The following BAZ1B variants were observed in gnomAD, a reference collection of about 807,000 sequenced individuals.
BAZ1B encodes tyrosine-protein kinase BAZ1B.
BAZ1B carries 22 observed loss-of-function variants against 153.8 expected under a neutral mutation model. The observed-to-expected ratio is 0.14, with a 90% CI of 0.10 to 0.20. The LOEUF (loss-of-function observed/expected upper bound fraction) is 0.20. Ranked by LOEUF, BAZ1B falls within the 10% of genes least tolerant of loss-of-function variation. The pLI, the probability that BAZ1B is intolerant of heterozygous loss-of-function variation, is 1.00. For missense variants in BAZ1B, 1,325 were observed against 1,799.3 expected, an observed-to-expected ratio of 0.74 and a Z score of 4.77; for synonymous variants, 676 against 633.4, an observed-to-expected ratio of 1.07 and a Z score of -1.01.
chr7:73,511,065 G>A (rs1250346146), intron 1 of BAZ1B, among the ~76,000 whole-genome samples: 3 of 151,972 alleles, frequency 2.0e-5, no homozygotes, highest in Non-Finnish European at 2.9e-5. Context: ...AGGTCAGATC[G>A]AGACCAGCCT....
chr7:73,490,388 A>C (rs1358413489), intron 5 of BAZ1B, among the ~76,000 whole-genome samples: 1 of 152,176 alleles, frequency 6.6e-6, no homozygotes, highest in East Asian at 1.9e-4. Context: ...CAGAGAAGGA[A>C]GGAATACAAA....
In BAZ1B at chr7:73,462,948, C is replaced by G; in HGVS notation, c.3223G>C (p.Glu1075Gln). 6.2e-7 allele frequency: 1 copy of G among 1,614,084 alleles called. No homozygotes were observed. The highest frequency in any genetic ancestry group is 8.5e-7 in the Non-Finnish European group (1 of 1,180,010). ...CGGGCTTCAAATTCTGATGTTTCTT[C>G]CACATATCCAAGTCCTCCTTTTTGT... ...RLQKGGLGYV[E>Q]ETSEFEARVI... The change falls in exon 12 of 20, where the codon GAA becomes CAA. Residue 1075 changes from glutamate (E) to glutamine (Q), a missense_variant. By Grantham distance (29) the Glu-to-Gln change is conservative. Transcript: ENST00000339594.
chr7:73,457,030 T>C (rs149343808), intron 13 of BAZ1B, among the ~76,000 whole-genome samples: 253 of 140,902 alleles, frequency 1.8e-3, no homozygotes, highest in African/African-American at 3.5e-3. Context: ...CTGGAGAGAA[T>C]GTAAAATTGT....
intron 4 of BAZ1B, among the ~76,000 whole-genome samples, chr7:73,497,817 G>A (rs1027202505): frequency 6.6e-6 from 1 of 152,142 alleles, no homozygotes; most frequent in Non-Finnish European, 1.5e-5. Context: ...GAAGATCAGG[G>A]TTAGAATTTG....
intron 17 of BAZ1B, 87 bp from the exon 18 acceptor site, chr7:73,442,915 A>C (rs1583879861): frequency 8.1e-6 from 8 of 991,004 alleles, no homozygotes; most frequent in African/African-American, 1.6e-5. Flanking sequence ...TCTGCTCAAA[A>C]AAGGAAGAGA....
rs1563371579 is a variant in BAZ1B at position 73,463,079 on chromosome 7, G to A, written c.3092C>T (p.Ser1031Phe). ...LEKRYQDIIH[S>F]IHLARKPNLG... is the part of the protein sequence containing the mutation. ...ATTTGGCTTCCGTGCTAGATGAATA[G>A]AGTGAATAATGTCCTGGTACCTAGA... Residue 1031 changes from serine (S) to phenylalanine (F), a missense_variant, in exon 12 of 20, where the codon TCT becomes TTT. Coordinates refer to ENST00000339594, the MANE Select transcript of BAZ1B (RefSeq NM_032408.4). 1 of 1,613,674 alleles carries A rather than the reference G, an allele frequency of 6.2e-7. No homozygotes were observed. Among genetic ancestry groups the A allele is most frequent in the Non-Finnish European group, 8.5e-7 (1 of 1,179,846 alleles).
chr7:73,474,251 T>C (rs1225015348), intron 7 of BAZ1B, among the ~76,000 whole-genome samples: 1 of 152,098 alleles, frequency 6.6e-6, no homozygotes, highest in Non-Finnish European at 1.5e-5. Flanking sequence ...AAAATAAAGC[T>C]GGACTTTTAC....
In BAZ1B at chr7:73,477,900, G is replaced by C; in HGVS notation, c.1561C>G (p.Leu521Val). The part of the protein sequence containing the change: ...RARLPEELRS[L>V]VQKRYELLEH... ...AGAAGTTCATAGCGTTTTTGAACAA[G>C]ACTTCGCAATTCTTCTGGGAGACGA... Residue 521 changes from leucine (L) to valine (V), a missense_variant, in exon 7 of 20, where the codon CTT becomes GTT. By Grantham distance (32) the Leu-to-Val change is conservative. Coordinates refer to ENST00000339594, the MANE Select transcript of BAZ1B (RefSeq NM_032408.4). The surrounding 1 kb of genome is among the most constrained non-coding windows in gnomAD (Gnocchi z 5.6). The C allele has an allele frequency of 1.9e-6, 3 of 1,614,150 alleles. No homozygotes were observed. The highest frequency in any genetic ancestry group is 2.5e-6 in the Non-Finnish European group (3 of 1,180,042).
intron 13 of BAZ1B, among the ~76,000 whole-genome samples, chr7:73,456,672 T>C (rs1788211978): frequency 6.6e-6 from 1 of 152,072 alleles, no homozygotes; most frequent in African/African-American, 2.4e-5. Context: ...CTGGGCGTGG[T>C]GGCTGAGGCC....
In BAZ1B at chr7:73,449,569, G is replaced by A; in HGVS notation, c.3701C>T (p.Ala1234Val). ...GCCACGGGAGTTGCGCCTGGCAGTA[G>A]CGGGCTGGCAAGCTGGGCACTGCCA... ...GEWQCPACQP[A>V]TARRNSRGRN... The change falls in exon 15 of 20, where the codon GCT (alanine) becomes GTT (valine). Residue 1234 changes from alanine (A) to valine (V), a missense_variant. Physicochemically the swap from Ala to Val is moderately conservative, Grantham distance 64. Transcript: ENST00000339594. The A allele has an allele frequency of 6.2e-7, 1 of 1,613,432 alleles. No homozygotes were observed. Among genetic ancestry groups the A allele is most frequent in the Non-Finnish European group, 8.5e-7 (1 of 1,179,814 alleles).
intron 15 of BAZ1B, among the ~76,000 whole-genome samples, chr7:73,449,196 A>C (rs1157580842): frequency 6.6e-6 from 1 of 152,180 alleles, no homozygotes; most frequent in African/African-American, 2.4e-5. Flanking sequence ...GAAGGTAATG[A>C]GTGTGAGATT....
chr7:73,472,844 A>C (rs1176575705), intron 7 of BAZ1B, among the ~76,000 whole-genome samples: 4 of 147,438 alleles, frequency 2.7e-5, no homozygotes, highest in African/African-American at 1.0e-4. Context: ...GCAACCTCCA[A>C]CTCCCTGGTT....
At chr7:73,511,189 A>G (rs916852495) in intron 1 of BAZ1B, among the ~76,000 whole-genome samples, 1 of 151,938 alleles carries the variant, frequency 6.6e-6, no homozygotes, top group Non-Finnish European at 1.5e-5. Context: ...AATGGCGTGA[A>G]CCCGGGAGGC....
intron 3 of BAZ1B, among the ~76,000 whole-genome samples, chr7:73,500,155 T>C (rs797035273): frequency 2.0e-5 from 3 of 152,300 alleles, no homozygotes; most frequent in African/African-American, 4.8e-5. Flanking sequence ...TTATGTTTAA[T>C]ATAATTATAG....
At chr7:73,518,787 TATC>T (rs782368224) in intron 1 of BAZ1B, among the ~76,000 whole-genome samples, 16 of 152,330 alleles carry the variant, frequency 1.1e-4, no homozygotes, top group African/African-American at 1.7e-4. Flanking sequence ...AGCCCCTCAT[TATC>T]ATACCCTCAA....
chr7:73,473,682 T>C (rs1788897162), intron 7 of BAZ1B, among the ~76,000 whole-genome samples: 1 of 152,246 alleles, frequency 6.6e-6, no homozygotes, highest in Non-Finnish European at 1.5e-5. Context: ...GGAATATACA[T>C]TTTCTAATGA....
intron 12 of BAZ1B, among the ~76,000 whole-genome samples, chr7:73,460,192 G>GGA (rs1788346307): frequency 1.4e-5 from 1 of 73,872 alleles, no homozygotes; most frequent in East Asian, 4.3e-4. Context: ...CCGTCTCAGG[G>GGA]AAAAAAAAAA....
intron 7 of BAZ1B, among the ~76,000 whole-genome samples, chr7:73,474,974 TGG>T (rs1788944705): frequency 6.6e-6 from 1 of 152,176 alleles, no homozygotes; most frequent in Admixed American, 6.5e-5. Context: ...CATGAAAAGA[TGG>T]TTCAACATCA....
At position 73,477,809 on chromosome 7, in the gene BAZ1B, C is replaced by T. The variant is rs1477185649; in HGVS notation, c.1652G>A (p.Arg551Gln). ...EQRKEYLKKK[R>Q]EELKKKLKEK... ...CTTCAACTTCTTTTTCAGCTCCTCCCGTTTCTTTTTCAAATATTCTTTCCG... is the reference window on the plus strand; with the variant it reads ...CTTCAACTTCTTTTTCAGCTCCTCCTGTTTCTTTTTCAAATATTCTTTCCG... Residue 551 changes from arginine to glutamine, a missense_variant, in exon 7 of 20, where the codon CGG (arginine) becomes CAG (glutamine). Physicochemically the swap from Arg to Gln is conservative, Grantham distance 43 (BLOSUM62 1). This residue lies in a region of BAZ1B where 154 missense variants were observed against 266.3 expected (regional missense o/e 0.58). Coordinates refer to ENST00000339594, the MANE Select transcript of BAZ1B (RefSeq NM_032408.4). This position sits in a 1 kb window ranked among gnomAD's most constrained non-coding sequence, Gnocchi z 5.6. 5 of 1,614,054 alleles carry T rather than the reference C, an allele frequency of 3.1e-6. No homozygotes were observed. The highest frequency in any genetic ancestry group is 4.2e-6 in the Non-Finnish European group (5 of 1,180,034).
Sources: allele counts gnomAD v4.1 joint callset (sites outside exome capture counted in the v4.1 genomes callset), GRCh38; gene constraint gnomAD v4.1.1; regional missense constraint gnomAD v4.1.1; non-coding constraint Gnocchi (gnomAD v3.1); transcripts MANE v1.5; gene names NCBI Gene and HGNC (gene_info 2026-07-23, HGNC 2026-07-21).